Variants in SLC26A7 observed in about 807,000 individuals in gnomAD.
SLC26A7 encodes solute carrier family 26 member 7.
A neutral mutation model predicts 82.5 loss-of-function variants in SLC26A7; 59 were observed. That is an observed-to-expected ratio of 0.72 (90% CI 0.58 to 0.89). The LOEUF is 0.89. Ranked by LOEUF, SLC26A7 falls within the 40% of genes least tolerant of loss-of-function variation. SLC26A7 has a pLI of 0.00. For synonymous variants in SLC26A7, 271 were observed against 274.3 expected, an observed-to-expected ratio of 0.99 and a Z score of 0.12; for missense variants, 820 against 793.0, an observed-to-expected ratio of 1.03 and a Z score of -0.41.
intron 2 of SLC26A7, among the ~76,000 whole-genome samples, chr8:91,220,820 C>T (rs1810148974): frequency 6.6e-6 from 1 of 152,146 alleles, no homozygotes; most frequent in Non-Finnish European, 1.5e-5. Flanking sequence ...CATACGTGTG[C>T]ATGTGTCTTT....
chr8:91,279,131 A>ATATATATATATATATATATATG (rs1811490635), intron 2 of SLC26A7, among the ~76,000 whole-genome samples: 3 of 31,008 alleles, frequency 9.7e-5, no homozygotes, highest in African/African-American at 2.8e-4. Context: ...GTGTGTATAT[A>ATATATATATATATATATATATG]TATATATATA....
At chr8:91,232,763 C>T (rs1278264100) in intron 2 of SLC26A7, among the ~76,000 whole-genome samples, 1 of 152,210 alleles carries the variant, frequency 6.6e-6, no homozygotes, top group Non-Finnish European at 1.5e-5. Context: ...AAGAATCAGG[C>T]ACTGCCTATG....
At chr8:91,362,929 T>G (rs992140499) in intron 12 of SLC26A7, among the ~76,000 whole-genome samples, 3 of 152,064 alleles carry the variant, frequency 2.0e-5, no homozygotes, top group African/African-American at 7.2e-5. Flanking sequence ...TACTATAAAT[T>G]TATAAATCAT....
intron 4 of SLC26A7, among the ~76,000 whole-genome samples, chr8:91,305,925 A>T (rs547772533): frequency 5.2e-4 from 79 of 152,256 alleles, no homozygotes; most frequent in South Asian, 1.5e-3. Context: ...CTACCAAAGC[A>T]CAGCTCTCAT....
At chr8:91,271,284 T>G (rs1811260038) in intron 2 of SLC26A7, among the ~76,000 whole-genome samples, 1 of 152,218 alleles carries the variant, frequency 6.6e-6, no homozygotes, top group South Asian at 2.1e-4. Flanking sequence ...CAATTGTTTA[T>G]TGTTGTATGC....
rs182860572 is a variant in SLC26A7, at chr8:91,384,829, C to T, written c.1676-4509C>T. Among the ~76,000 whole-genome samples the T allele has an allele frequency of 2.1e-4, 32 of 152,164 alleles. 2 individuals are homozygous for T. The Middle Eastern group carries it at 0.01, about 49-fold the overall frequency. On this transcript the variant is annotated intron_variant, in intron 15 of 18. Coordinates refer to ENST00000276609, the MANE Select transcript of SLC26A7 (RefSeq NM_052832.4). ...AAAGAAATGTTCAATAATATGTGCA[C>T]GTGTTTTCCAAAGGCAATGCTGTGG...
intron 14 of SLC26A7, 116 bp from the exon 15 acceptor site, chr8:91,369,669 A>C: frequency 1.5e-6 from 1 of 681,668 alleles, no homozygotes; most frequent in Non-Finnish European, 2.4e-6. Context: ...AGTGAAAAAC[A>C]ATTTTGGAGA....
At chr8:91,311,454 C>A (rs1171654265) in intron 4 of SLC26A7, among the ~76,000 whole-genome samples, 2 of 150,370 alleles carry the variant, frequency 1.3e-5, no homozygotes, top group Non-Finnish European at 2.9e-5. Flanking sequence ...CACACACTCA[C>A]ACACACACAT....
intron 2 of SLC26A7, among the ~76,000 whole-genome samples, chr8:91,280,658 C>G (rs962932534): frequency 2.0e-5 from 3 of 152,206 alleles, no homozygotes; most frequent in Non-Finnish European, 4.4e-5. Flanking sequence ...GCCATGGCTT[C>G]CTTTGTGCTC....
intron 2 of SLC26A7, among the ~76,000 whole-genome samples, chr8:91,279,056 C>T (rs1471084632): frequency 1.3e-5 from 2 of 148,566 alleles, no homozygotes; most frequent in East Asian, 2.0e-4. Context: ...AATTCATCTA[C>T]AATGTCACAA....
chr8:91,264,610 G>A (rs1586337707), intron 2 of SLC26A7, among the ~76,000 whole-genome samples: 1 of 151,958 alleles, frequency 6.6e-6, no homozygotes, highest in Admixed American at 6.6e-5. Flanking sequence ...TGATAGCTCT[G>A]TATTACAGGT....
At chr8:91,381,594 T>A (rs942439519) in intron 15 of SLC26A7, among the ~76,000 whole-genome samples, 1 of 152,190 alleles carries the variant, frequency 6.6e-6, no homozygotes, top group Admixed American at 6.5e-5. Context: ...CAGGCCCACT[T>A]TGCACAGAAC....
intron 2 of SLC26A7, among the ~76,000 whole-genome samples, chr8:91,220,261 A>T (rs941416783): frequency 6.6e-6 from 1 of 152,198 alleles, no homozygotes; most frequent in Non-Finnish European, 1.5e-5. Context: ...AAAATGCGTT[A>T]CAGGGGTAAA....
At chr8:91,345,150 T>C (rs939749313) in intron 9 of SLC26A7, among the ~76,000 whole-genome samples, 2 of 152,030 alleles carry the variant, frequency 1.3e-5, no homozygotes, top group African/African-American at 4.8e-5. Context: ...GGTCTTGCTT[T>C]GTTGACCAGG....
Position 91,366,657 on chromosome 8 carries a change from T to A in SLC26A7, c.1566T>A (p.Asp522Glu). Residue 522 changes from aspartate to glutamate, a missense_variant, in exon 14 of 19, where the codon GAT (aspartate) becomes GAA (glutamate). By Grantham distance (45) the Asp-to-Glu change is conservative (BLOSUM62 2). Coordinates refer to ENST00000276609, the MANE Select transcript of SLC26A7 (RefSeq NM_052832.4). ...VFLNAKKFYT[D>E]LMNMIQKENA... Reference sequence around the variant, plus strand: ...TGAATGCAAAAAAATTTTATACTGATTTAATGAACATGATCCAAAAGGAAA... The same window carrying A: ...TGAATGCAAAAAAATTTTATACTGAATTAATGAACATGATCCAAAAGGAAA... 1 of 1,613,724 alleles carries A rather than the reference T, an allele frequency of 6.2e-7. No individual in the cohort carries two copies. Among genetic ancestry groups the A allele is most frequent in the Non-Finnish European group, 8.5e-7 (1 of 1,179,878 alleles).
chr8:91,356,689 C>T (rs1003944433), intron 11 of SLC26A7, among the ~76,000 whole-genome samples: 25 of 152,168 alleles, frequency 1.6e-4, no homozygotes, highest in African/African-American at 6.0e-4. Flanking sequence ...TGTCTGTTCA[C>T]TCTGATGGTA....
intron 5 of SLC26A7, 96 bp from the exon 6 acceptor site, chr8:91,334,199 T>C (rs1041780395): frequency 5.0e-6 from 6 of 1,196,936 alleles, no homozygotes; most frequent in African/African-American, 1.5e-5. Context: ...TAAGATAGTT[T>C]TATAAAACAT....
At chr8:91,372,771 G>A (rs1248289316) in intron 15 of SLC26A7, among the ~76,000 whole-genome samples, 1 of 151,656 alleles carries the variant, frequency 6.6e-6, no homozygotes, top group Non-Finnish European at 1.5e-5. Flanking sequence ...TGTGAAAAGT[G>A]ATATAATGTG....
At chr8:91,324,299 G>C (rs1216319289) in intron 5 of SLC26A7, among the ~76,000 whole-genome samples, 1 of 152,216 alleles carries the variant, frequency 6.6e-6, no homozygotes, top group Non-Finnish European at 1.5e-5. Flanking sequence ...GCTAACATCA[G>C]GTTCTAAAGG....
Sources: allele counts gnomAD v4.1 joint callset (sites outside exome capture counted in the v4.1 genomes callset), GRCh38; gene constraint gnomAD v4.1.1; transcripts MANE v1.5; gene names NCBI Gene and HGNC (gene_info 2026-07-23, HGNC 2026-07-21).